The following NRG3 variants were observed in gnomAD, a reference collection of about 807,000 sequenced individuals.
NRG3 encodes the protein neuregulin 3.
A neutral mutation model predicts 66.9 loss-of-function variants in NRG3; 31 were observed. That is an observed-to-expected ratio of 0.46 (90% CI 0.35 to 0.63). The LOEUF (loss-of-function observed/expected upper bound fraction) is 0.63. Ranked by LOEUF, NRG3 falls within the 20% of genes least tolerant of loss-of-function variation. The pLI is 0.00. For synonymous variants in NRG3, 393 were observed against 359.4 expected (o/e 1.09, Z -1.06); for missense variants, 910 against 878.9 (o/e 1.04, Z -0.45).
chr10:82,061,910 A>G (rs1012350273), intron 1 of NRG3, among the ~76,000 whole-genome samples: 3 of 151,906 alleles, frequency 2.0e-5, no homozygotes, highest in Non-Finnish European at 4.4e-5. Flanking sequence ...TTAAAAGGAT[A>G]GTGATACTTT....
chr10:82,671,013 A>C (rs2053227577), intron 2 of NRG3, among the ~76,000 whole-genome samples: 1 of 152,134 alleles, frequency 6.6e-6, no homozygotes. Flanking sequence ...GGGAGGCAAT[A>C]AGCCCAAGTT....
intron 2 of NRG3, among the ~76,000 whole-genome samples, chr10:82,673,918 G>A (rs1432320321): frequency 1.3e-5 from 2 of 152,070 alleles, no homozygotes; most frequent in African/African-American, 4.8e-5. Context: ...AGGAGAGAAC[G>A]ATCCTAGGGT....
In NRG3 at chr10:82,051,818, A is replaced by C. The variant is rs570386450; in HGVS notation, c.823+175655A>C. On this transcript the variant is annotated intron_variant, in intron 1 of 8. Transcript: ENST00000372141. ...TGTCACTAAATATGATCAGTCAACT[A>C]TCTCTGCTTCCTTTACTTGAGATCT... 2.6e-5 allele frequency among the ~76,000 whole-genome samples: 4 copies of C among 152,170 alleles called. No homozygotes were observed. The South Asian group carries it at 6.2e-4, about 24-fold the overall frequency.
intron 1 of NRG3, among the ~76,000 whole-genome samples, chr10:82,103,021 C>T (rs564207841): frequency 2.0e-5 from 3 of 152,178 alleles, no homozygotes; most frequent in East Asian, 3.9e-4. Flanking sequence ...TCTTTCAGAA[C>T]ATATTTATTC....
chr10:82,619,262 CACCA>C (rs1227548439), intron 2 of NRG3, among the ~76,000 whole-genome samples: 5 of 152,098 alleles, frequency 3.3e-5, no homozygotes. Context: ...TGAAATCTGG[CACCA>C]TTATGTGAAT....
chr10:82,904,044 CT>C (rs1283902898), intron 4 of NRG3, among the ~76,000 whole-genome samples: 2 of 152,090 alleles, frequency 1.3e-5, no homozygotes, highest in East Asian at 1.9e-4. Flanking sequence ...TTAACATCTT[CT>C]TTTTTTCAAC....
At chr10:82,680,844 C>T (rs886670931) in intron 2 of NRG3, among the ~76,000 whole-genome samples, 3 of 152,198 alleles carry the variant, frequency 2.0e-5, no homozygotes, top group Non-Finnish European at 4.4e-5. Context: ...TTATAAGCAG[C>T]TTCAATTCCA....
chr10:82,635,029 A>T (rs1590958678), intron 2 of NRG3, among the ~76,000 whole-genome samples: 1 of 152,204 alleles, frequency 6.6e-6, no homozygotes, highest in East Asian at 1.9e-4. Flanking sequence ...AGAACTAGAA[A>T]GAATACTTAT....
chr10:82,508,238 C>A (rs193071639), intron 2 of NRG3, among the ~76,000 whole-genome samples: 4 of 152,124 alleles, frequency 2.6e-5, no homozygotes, highest in Non-Finnish European at 5.9e-5. Flanking sequence ...TTCATACATG[C>A]GTTTAGAACA....
intron 2 of NRG3, among the ~76,000 whole-genome samples, chr10:82,486,318 A>G (rs1842672248): frequency 6.6e-6 from 1 of 152,240 alleles, no homozygotes; most frequent in South Asian, 2.1e-4. Flanking sequence ...GTACTCCCAT[A>G]TTCAATGAAG....
chr10:82,362,103 A>AAAAAAAAAAG, intron 2 of NRG3, among the ~76,000 whole-genome samples: 1 of 147,766 alleles, frequency 6.8e-6, no homozygotes, highest in African/African-American at 2.5e-5. Flanking sequence ...AAAAAAAAAA[A>AAAAAAAAAAG]AAAAAAGGAC....
rs530734887 is a variant in NRG3, at chr10:82,524,142, T to A, written c.953+165274T>A. On this transcript the variant is annotated intron_variant, in intron 2 of 8. Transcript: ENST00000372141. ...AAAACAAGAGGCACCTTTGTGATTATCTATTCAAGACACCTTATAAAATAT... is the reference window on the plus strand; with the variant it reads ...AAAACAAGAGGCACCTTTGTGATTAACTATTCAAGACACCTTATAAAATAT... Among the ~76,000 whole-genome samples the A allele has an allele frequency of 8.5e-5, 13 of 152,192 alleles. No homozygotes were observed. In the South Asian group the frequency reaches 2.7e-3, roughly 32 times the overall value.
At chr10:82,735,215 A>G in intron 2 of NRG3, among the ~76,000 whole-genome samples, 1 of 152,118 alleles carries the variant, frequency 6.6e-6, no homozygotes, top group East Asian at 1.9e-4. Context: ...CACTGTGGAT[A>G]ATGATTTTCT....
At chr10:82,330,818 A>T (rs2082106731) in intron 1 of NRG3, among the ~76,000 whole-genome samples, 1 of 152,166 alleles carries the variant, frequency 6.6e-6, no homozygotes, top group South Asian at 2.1e-4. Context: ...TGTTTCTTTT[A>T]AATTGGCATT....
At chr10:81,992,518 T>G (rs528440404) in intron 1 of NRG3, among the ~76,000 whole-genome samples, 2 of 152,358 alleles carry the variant, frequency 1.3e-5, no homozygotes, top group South Asian at 2.1e-4. Flanking sequence ...TGTGTTCTCT[T>G]AAGCTCACAA....
chr10:82,786,987 C>T (rs1235016932), intron 3 of NRG3, among the ~76,000 whole-genome samples: 3 of 152,108 alleles, frequency 2.0e-5, no homozygotes, highest in South Asian at 2.1e-4. Context: ...GACTTTATAG[C>T]CTCCAGAACT....
At chr10:82,016,437 G>A (rs990627592) in intron 1 of NRG3, among the ~76,000 whole-genome samples, 8 of 152,028 alleles carry the variant, frequency 5.3e-5, no homozygotes, top group Admixed American at 1.3e-4. Flanking sequence ...GTAAGCATGC[G>A]AGATGTTAAC....
intron 8 of NRG3, among the ~76,000 whole-genome samples, chr10:82,982,409 A>G (rs1302697941): frequency 1.3e-5 from 2 of 152,220 alleles, no homozygotes; most frequent in African/African-American, 4.8e-5. Flanking sequence ...CCAAAGTGAA[A>G]TGATAAGCTC....
chr10:82,614,339 T>C (rs2048505113), intron 2 of NRG3, among the ~76,000 whole-genome samples: 1 of 152,244 alleles, frequency 6.6e-6, no homozygotes, highest in South Asian at 2.1e-4. Context: ...GGTTATGCTC[T>C]GTTCGAATTA....
Sources: allele counts gnomAD v4.1 joint callset (sites outside exome capture counted in the v4.1 genomes callset), GRCh38; gene constraint gnomAD v4.1.1; transcripts MANE v1.5; gene names NCBI Gene and HGNC (gene_info 2026-07-23, HGNC 2026-07-21).